The following EPB41L1 variants were observed in gnomAD, a reference collection of about 807,000 sequenced individuals.
EPB41L1 encodes erythrocyte membrane protein band 4.1 like 1.
Under a neutral mutation model 97.8 loss-of-function variants are expected in EPB41L1, and 29 were observed. The ratio of observed to expected loss-of-function variants is 0.30; its 90% CI spans 0.22 to 0.40. EPB41L1 has a LOEUF of 0.40. Ranked by LOEUF, EPB41L1 falls within the 10% of genes least tolerant of loss-of-function variation. The pLI is 1.00. For missense variants in EPB41L1, 812 were observed against 1,162.3 expected, an observed-to-expected ratio of 0.70 and a Z score of 4.38; for synonymous variants, 383 against 459.2, an observed-to-expected ratio of 0.83 and a Z score of 2.12.
In EPB41L1 at chr20:36,229,563, G is replaced by T; in HGVS notation, c.*223G>T. The T allele has an allele frequency of 2.4e-6, 1 of 421,476 alleles. No individual in the cohort carries two copies. Among genetic ancestry groups the T allele is most frequent in the Non-Finnish European group, 4.3e-6 (1 of 233,168 alleles). 26.1% of individuals were successfully genotyped at this position (421,476 alleles called of 1,614,324 possible). A position where few individuals can be genotyped will look rare whatever the true frequency, so the allele number is the denominator to read the frequency against. ...CCTTGCACTGCTGCTGGGGCTGGCA[G>T]AGCAGTTGGCTGACAGCAACAACCG... On this transcript the variant is annotated 3_prime_UTR_variant, in exon 22 of 22. Transcript: ENST00000338074.
At chr20:36,188,225 T>A in intron 8 of EPB41L1, 122 bp from the exon 9 acceptor site, 1 of 1,346,272 alleles carries the variant, frequency 7.4e-7, no homozygotes, top group Non-Finnish European at 1.1e-6. Context: ...GCATGGAGGC[T>A]CTAACCCTGT....
chr20:36,132,719 G>C (rs1025554186), intron 2 of EPB41L1, among the ~76,000 whole-genome samples: 2 of 151,950 alleles, frequency 1.3e-5, no homozygotes, highest in Non-Finnish European at 2.9e-5. Context: ...GCTGTGGCCG[G>C]GGAGGGGTAT....
rs17093428 is a variant in EPB41L1, at chr20:36,187,855, G to T, written c.873+92G>T. 8.2e-3 allele frequency: 8,733 copies of T among 1,059,986 alleles called. 508 individuals are homozygous for T. The African/African-American group carries it at 0.12, about 15-fold the overall frequency. The allele number at this position is 1,059,986 out of a possible 1,614,324, so 65.7% of individuals were successfully genotyped here. A position where few individuals can be genotyped will look rare whatever the true frequency, so the allele number is the denominator to read the frequency against. On this transcript the variant is annotated intron_variant, in intron 8 of 21. Coordinates refer to ENST00000338074, the MANE Select transcript of EPB41L1 (RefSeq NM_012156.2). ...CCTAGGGCGTGGTGTGCCAGACCCT[G>T]TGTTACCTCCAACTTGAAACCTTTT... is the stretch of plus-strand genomic sequence containing the variant.
rs6060831 is a variant in EPB41L1, at chr20:36,158,128, T to C, written c.-15+3232T>C. Among the ~76,000 whole-genome samples, 525 of 152,190 alleles carry C rather than the reference T, an allele frequency of 3.4e-3. 7 individuals carry two copies. Among genetic ancestry groups the C allele is most frequent in the African/African-American group, 0.011 (444 of 41,528 alleles). ...GCTTAGATAGTTGTTCAAGGTCAAA[T>C]AGCTAGGCTGTGGGGGAGTCAGGAT... On this transcript the variant is annotated intron_variant, in intron 1 of 21. Transcript: ENST00000338074.
chr20:36,104,857 G>A (rs1031980692), intron 1 of EPB41L1, among the ~76,000 whole-genome samples: 22 of 152,116 alleles, frequency 1.4e-4, no homozygotes, highest in African/African-American at 5.3e-4. Context: ...AACTGGCCTC[G>A]CGCGCTCTGG....
rs6060833 is a variant in EPB41L1, at chr20:36,162,044, G to A, written c.-15+7148G>A. Among the ~76,000 whole-genome samples, 468 of 152,294 alleles carry A rather than the reference G, an allele frequency of 3.1e-3. 7 individuals are homozygous for A. The highest frequency in any genetic ancestry group is 0.011 in the African/African-American group (440 of 41,566). On this transcript the variant is annotated intron_variant, in intron 1 of 21. Coordinates refer to ENST00000338074, the MANE Select transcript of EPB41L1 (RefSeq NM_012156.2). ...CTTCCAAAGTGCTGAGATTACAGGC[G>A]TGAGCCACCACACCCTGCCTATCTC... is the stretch of plus-strand genomic sequence containing the variant.
At chr20:36,151,129 G>T (rs1171950873), upstream of EPB41L1, 2 of 152,378 alleles carry the variant, frequency 1.3e-5, no homozygotes, top group South Asian at 2.1e-4. Flanking sequence ...GACCTTGGGG[G>T]TCTGTGGCTG....
intron 9 of EPB41L1, 85 bp downstream of exon 9, chr20:36,188,584 A>T (rs2061785852): frequency 4.5e-6 from 1 of 220,740 alleles, no homozygotes; most frequent in Non-Finnish European, 9.6e-6. Context: ...GACTGCCAAC[A>T]CACACACACA....
intron 21 of EPB41L1, among the ~76,000 whole-genome samples, chr20:36,227,312 T>TAAAAAAC (rs768106738): frequency 6.6e-6 from 1 of 151,662 alleles, no homozygotes; most frequent in Non-Finnish European, 1.5e-5. Context: ...CAAGACCCTG[T>TAAAAAAC]AAAAAACAAA....
chr20:36,219,769 G>A lies in EPB41L1; in HGVS notation c.2364G>A (p.Gly788=). The change falls in exon 19 of 22, where the codon GGG becomes GGA. Residue 788 remains glycine (G), a synonymous_variant. Coordinates refer to ENST00000338074, the MANE Select transcript of EPB41L1 (RefSeq NM_012156.2). ...TEIRSLSPII[G]KDVLTSTYGA... The stretch of plus-strand genomic sequence containing the variant: ...GTGGTTATATTCTGCAGATCATCGG[G>A]AAAGATGTCCTCACCAGCACCTACG... 1.2e-6 allele frequency: 2 copies of A among 1,614,150 alleles called. No individual in the cohort carries two copies. Among genetic ancestry groups the A allele is most frequent in the Non-Finnish European group, 1.7e-6 (2 of 1,180,028 alleles).
chr20:36,197,325 C>T (rs1245379471), intron 13 of EPB41L1, among the ~76,000 whole-genome samples: 2 of 152,206 alleles, frequency 1.3e-5, no homozygotes, highest in Non-Finnish European at 2.9e-5. Flanking sequence ...CCAGACTGGA[C>T]ATCCTGTTAA....
chr20:36,171,651 C>T (rs540175318), intron 1 of EPB41L1, among the ~76,000 whole-genome samples: 1 of 152,296 alleles, frequency 6.6e-6, no homozygotes, highest in East Asian at 1.9e-4. Context: ...GGGTCCCTGG[C>T]TTTCTATCCA....
At chr20:36,155,081 A>C in intron 1 of EPB41L1, 185 bp downstream of exon 1, 1 of 569,202 alleles carries the variant, frequency 1.8e-6, no homozygotes, top group South Asian at 1.5e-5. Flanking sequence ...AGCCTCCTCC[A>C]AGGCCTGGAG....
At position 36,209,609 on chromosome 20, in the gene EPB41L1, A is replaced by G; in HGVS notation, c.1790A>G (p.Asn597Ser). 2 of 1,614,168 alleles carry G rather than the reference A, an allele frequency of 1.2e-6. No homozygotes were observed. The highest frequency in any genetic ancestry group is 1.7e-6 in the Non-Finnish European group (2 of 1,180,038). Residue 597 changes from asparagine (N) to serine (S), a missense_variant, in exon 15 of 22, where the codon AAC becomes AGC. Coordinates refer to ENST00000338074, the MANE Select transcript of EPB41L1 (RefSeq NM_012156.2). This position sits in a 1 kb window ranked among gnomAD's most constrained non-coding sequence, Gnocchi z 4.2. ...AGGGACACGGTGTTCCTGAAGGACA[A>G]CCACCTGGCCATTGAGCGCAAGTGC... ...QERDTVFLKD[N>S]HLAIERKCSS...
At chr20:36,111,544 G>C (rs2058401539) in intron 1 of EPB41L1, among the ~76,000 whole-genome samples, 1 of 152,188 alleles carries the variant, frequency 6.6e-6, no homozygotes, top group Non-Finnish European at 1.5e-5. Flanking sequence ...CTAGCACTTT[G>C]GGAGGCCGAG....
Position 36,190,366 on chromosome 20 carries a change from A to G in EPB41L1, c.1116A>G (p.Thr372=). The change falls in exon 10 of 22, where the codon ACA becomes ACG. Residue 372 remains threonine, a synonymous_variant. Transcript: ENST00000338074. The surrounding 1 kb of genome is among the most constrained non-coding windows in gnomAD (Gnocchi z 5.8). ...RLWKVCIEHH[T]FFRLVSPEPP... ...GGAAGGTCTGCATCGAGCATCATAC[A>G]TTCTTCCGGTGAGCCTGACCTTGGA... The G allele has an allele frequency of 3.1e-6, 5 of 1,614,080 alleles. No individual in the cohort carries two copies. The highest frequency in any genetic ancestry group is 4.2e-6 in the Non-Finnish European group (5 of 1,179,996).
intron 2 of EPB41L1, among the ~76,000 whole-genome samples, chr20:36,128,013 G>C (rs749025090): frequency 2.4e-4 from 37 of 152,142 alleles, no homozygotes; most frequent in Non-Finnish European, 4.1e-4. Flanking sequence ...AATGATGGGT[G>C]CTTGTGTCTG....
rs2062865153 is a variant in EPB41L1, at chr20:36,207,128, A to T, written c.1669-2360A>T. The T allele has an allele frequency of 7.8e-7, 1 of 1,289,438 alleles. No individual in the cohort carries two copies. The highest frequency in any genetic ancestry group is 1.5e-5 in the African/African-American group (1 of 65,980). The allele number at this position is 1,289,438 out of a possible 1,614,324, so 79.9% of individuals were successfully genotyped here. ...CATTCTGAGGACCTGGCAGCTCTGG[A>T]GGAAGCTTCTCCAAGCCCAACCTCC... On this transcript the variant is annotated intron_variant, in intron 14 of 21. Transcript: ENST00000338074. The surrounding 1 kb of genome is among the most constrained non-coding windows in gnomAD (Gnocchi z 4.9).
intron 2 of EPB41L1, among the ~76,000 whole-genome samples, chr20:36,134,913 G>GC (rs759566584): frequency 1.4e-5 from 2 of 139,246 alleles, no homozygotes; most frequent in Non-Finnish European, 3.0e-5. Context: ...AGGCTAGAGT[G>GC]CAGTGGCTTG....
Sources: allele counts gnomAD v4.1 joint callset (sites outside exome capture counted in the v4.1 genomes callset), GRCh38; gene constraint gnomAD v4.1.1; non-coding constraint Gnocchi (gnomAD v3.1); transcripts MANE v1.5; gene names NCBI Gene and HGNC (gene_info 2026-07-23, HGNC 2026-07-21).